The following CR1L variants were observed in gnomAD, a reference collection of about 807,000 sequenced individuals.
The protein encoded by CR1L is complement C3b/C4b receptor 1 like, also known as complement component receptor 1-like protein.
CR1L carries 59 observed loss-of-function variants against 62.3 expected under a neutral mutation model. The observed-to-expected ratio is 0.95, with a 90% CI of 0.77 to 1.18. The LOEUF (loss-of-function observed/expected upper bound fraction) is 1.18, where lower values mean the gene tolerates loss of function less well. Ranked by LOEUF, CR1L falls within the 50% of genes most tolerant of loss-of-function variation. The pLI is 0.00. For missense variants in CR1L, 700 were observed against 702.8 expected, an observed-to-expected ratio of 1.00 and a Z score of 0.04; for synonymous variants, 279 against 248.7, an observed-to-expected ratio of 1.12 and a Z score of -1.15.
chr1:207,699,104 T>C (rs1411767940), intron 7 of CR1L, 85 bp from the exon 8 acceptor site: 1 of 1,582,522 alleles, frequency 6.3e-7, no homozygotes, highest in Non-Finnish European at 8.7e-7. Flanking sequence ...CTCAAAATCC[T>C]GAAATTGGGG....
At chr1:207,716,849 T>A (rs892487217) in intron 10 of CR1L, among the ~76,000 whole-genome samples, 17 of 152,092 alleles carry the variant, frequency 1.1e-4, no homozygotes, top group Non-Finnish European at 2.4e-4. Context: ...GGAACTGTTC[T>A]AAACAGAAGA....
intron 4 of CR1L, among the ~76,000 whole-genome samples, chr1:207,692,208 T>C (rs1455374238): frequency 6.6e-6 from 1 of 152,264 alleles, no homozygotes; most frequent in Non-Finnish European, 1.5e-5. Flanking sequence ...CTAAACTTGA[T>C]TTAACAATTT....
At chr1:207,684,724 T>C (rs998615763) in intron 4 of CR1L, among the ~76,000 whole-genome samples, 1 of 152,048 alleles carries the variant, frequency 6.6e-6, no homozygotes, top group Non-Finnish European at 1.5e-5. Context: ...GTGTTTTATG[T>C]GGAAAAAGAA....
chr1:207,714,223 T>C (rs1558026522), intron 10 of CR1L, among the ~76,000 whole-genome samples: 1 of 152,194 alleles, frequency 6.6e-6, no homozygotes, highest in Non-Finnish European at 1.5e-5. Context: ...CTGGAGCCTT[T>C]ATGGACTCAG....
At chr1:207,656,574 G>A (rs1663314583) in intron 1 of CR1L, among the ~76,000 whole-genome samples, 1 of 152,124 alleles carries the variant, frequency 6.6e-6, no homozygotes, top group Non-Finnish European at 1.5e-5. Flanking sequence ...TGTACAGGAA[G>A]CATGATGCTG....
chr1:207,718,869 C>A (rs1305245534), intron 11 of CR1L, among the ~76,000 whole-genome samples: 2 of 150,182 alleles, frequency 1.3e-5, no homozygotes, highest in Admixed American at 6.7e-5. Flanking sequence ...AAATGTCCAA[C>A]AATGATAGAC....
chr1:207,673,171 T>C (rs893424415), intron 1 of CR1L, among the ~76,000 whole-genome samples: 13 of 152,232 alleles, frequency 8.5e-5, no homozygotes, highest in African/African-American at 2.9e-4. Context: ...ACATTCACTA[T>C]TGTGACCAGA....
At chr1:207,647,418 A>G (rs1443066678) in intron 1 of CR1L, among the ~76,000 whole-genome samples, 1 of 152,074 alleles carries the variant, frequency 6.6e-6, no homozygotes, top group Non-Finnish European at 1.5e-5. Context: ...GAACCCCCCA[A>G]CTCAGGTTGA....
At position 207,708,191 on chromosome 1, in the gene CR1L, G is replaced by T. The variant is rs369517780; in HGVS notation, c.1342G>T (p.Gly448Cys). Residue 448 changes from glycine to cysteine, a missense_variant, in exon 10 of 12, where the codon GGT becomes TGT. By Grantham distance (159) the Gly-to-Cys change is radical (BLOSUM62 -3). Coordinates refer to ENST00000508064, the MANE Select transcript of CR1L (RefSeq NM_175710.2). ...YSCTTGHRLI[G>C]HSSAECILSG... ...TTTTGCCTTTAGGCACCGACTCATT[G>T]GTCACTCATCTGCTGAATGTATCCT... 9.3e-6 allele frequency: 15 copies of T among 1,611,448 alleles called. No individual in the cohort carries two copies. In the African/African-American group the frequency reaches 1.7e-4, roughly 19 times the overall value.
At chr1:207,703,394 G>A (rs1322922611) in intron 9 of CR1L, among the ~76,000 whole-genome samples, 1 of 152,144 alleles carries the variant, frequency 6.6e-6, no homozygotes, top group Non-Finnish European at 1.5e-5. Flanking sequence ...AATGTACCTT[G>A]CCTGTGTCTA....
intron 4 of CR1L, 125 bp downstream of exon 4, chr1:207,684,082 A>G: frequency 3.8e-6 from 3 of 794,278 alleles, no homozygotes; most frequent in Non-Finnish European, 3.8e-6. Flanking sequence ...GACAGCCATA[A>G]TGTTCTCAGA....
intron 9 of CR1L, among the ~76,000 whole-genome samples, chr1:207,702,359 T>A (rs1664206693): frequency 6.6e-6 from 1 of 152,190 alleles, no homozygotes; most frequent in Admixed American, 6.5e-5. Flanking sequence ...TCTTCAGGAC[T>A]CCCTAATCCC....
At chr1:207,704,621 A>C (rs1226839186) in intron 9 of CR1L, among the ~76,000 whole-genome samples, 4 of 152,212 alleles carry the variant, frequency 2.6e-5, no homozygotes, top group Non-Finnish European at 5.9e-5. Context: ...TTCAGCAACC[A>C]CCACCCTGAT....
At position 207,683,935 on chromosome 1, in the gene CR1L, T is replaced by A; in HGVS notation, c.441T>A (p.Asp147Glu). ...TCTCAGGCAACACTGTCATTTGGGA[T>A]AATAAAACACCTGTTTGTGACAGTG... ...CIISGNTVIW[D>E]NKTPVCDRII... is the part of the protein sequence containing the mutation. The change falls in exon 4 of 12, where the codon GAT (aspartate) becomes GAA (glutamate). Residue 147 changes from aspartate to glutamate, a missense_variant. Transcript: ENST00000508064. 15 of 1,613,384 alleles carry A rather than the reference T, an allele frequency of 9.3e-6. No homozygotes were observed. Among genetic ancestry groups the A allele is most frequent in the Non-Finnish European group, 1.3e-5 (15 of 1,179,496 alleles).
intron 9 of CR1L, among the ~76,000 whole-genome samples, chr1:207,705,998 T>C (rs1457656144): frequency 8.7e-6 from 1 of 115,116 alleles, no homozygotes; most frequent in Non-Finnish European, 1.7e-5. Context: ...GTGTCATATA[T>C]ATGTGTGTGT....
At position 207,721,810 on chromosome 1, in the gene CR1L, A is replaced by G. The variant is rs544950804; in HGVS notation, c.1643-1808A>G. On this transcript the variant is annotated intron_variant, in intron 11 of 11. Coordinates refer to ENST00000508064, the MANE Select transcript of CR1L (RefSeq NM_175710.2). Reference sequence around the variant, plus strand: ...TGAACTAGTTTACAGTCCCACCAACAGTGTAAAAGTGTTCCTATTTCTCCA... The same window carrying G: ...TGAACTAGTTTACAGTCCCACCAACGGTGTAAAAGTGTTCCTATTTCTCCA... Among the ~76,000 whole-genome samples, 1,002 of 149,816 alleles carry G rather than the reference A, an allele frequency of 6.7e-3. 7 individuals are homozygous for G. Among genetic ancestry groups the G allele is most frequent in the Non-Finnish European group, 0.011 (712 of 67,376 alleles).
At chr1:207,699,823 C>G (rs956465640) in intron 8 of CR1L, among the ~76,000 whole-genome samples, 1 of 152,110 alleles carries the variant, frequency 6.6e-6, no homozygotes, top group African/African-American at 2.4e-5. Context: ...AGTGAAGTCC[C>G]TGTCCCCATG....
intron 1 of CR1L, among the ~76,000 whole-genome samples, chr1:207,648,131 C>A (rs1663161579): frequency 6.7e-6 from 1 of 149,686 alleles, no homozygotes; most frequent in African/African-American, 2.5e-5. Flanking sequence ...CCTAATCATA[C>A]CACTGCACTC....
At chr1:207,646,710 CAAAAAAAA>C (rs34443417) in intron 1 of CR1L, among the ~76,000 whole-genome samples, 1 of 64,730 alleles carries the variant, frequency 1.5e-5, no homozygotes, top group Non-Finnish European at 2.5e-5. Context: ...GACCCTGTCT[CAAAAAAAA>C]AAAAAAAAAA....
Sources: allele counts gnomAD v4.1 joint callset (sites outside exome capture counted in the v4.1 genomes callset), GRCh38; gene constraint gnomAD v4.1.1; transcripts MANE v1.5; gene names NCBI Gene and HGNC (gene_info 2026-07-23, HGNC 2026-07-21).